Variants in GABRA2 observed in about 807,000 individuals in gnomAD.
GABRA2 encodes the protein gamma-aminobutyric acid type A receptor subunit alpha2, also known as gamma-aminobutyric acid receptor subunit alpha-2.
Under a neutral mutation model 48.7 loss-of-function variants are expected in GABRA2, and 16 were observed. The observed-to-expected ratio is 0.33, with a 90% confidence interval of 0.22 to 0.50. GABRA2 has a LOEUF of 0.50. Ranked by LOEUF, GABRA2 falls within the 20% of genes least tolerant of loss-of-function variation. GABRA2 has a pLI of 0.98. For missense variants in GABRA2, 275 were observed against 535.6 expected, an observed-to-expected ratio of 0.51 and a Z score of 4.80; for synonymous variants, 185 against 184.5, an observed-to-expected ratio of 1.00 and a Z score of -0.02.
chr4:46,385,694 T>A (rs376570214), intron 3 of GABRA2, among the ~76,000 whole-genome samples: 8 of 152,202 alleles, frequency 5.3e-5, no homozygotes, highest in African/African-American at 1.9e-4. Context: ...TTTCTGTGTA[T>A]CTGAGCTGAC....
At chr4:46,291,309 T>G (rs1723580339) in intron 8 of GABRA2, among the ~76,000 whole-genome samples, 1 of 152,190 alleles carries the variant, frequency 6.6e-6, no homozygotes, top group African/African-American at 2.4e-5. Context: ...TCAGGATTGT[T>G]AATTTGTGTT....
chr4:46,360,505 TC>T (rs1350058537), intron 3 of GABRA2, among the ~76,000 whole-genome samples: 1 of 152,216 alleles, frequency 6.6e-6, no homozygotes, highest in African/African-American at 2.4e-5. Flanking sequence ...TGTGAGGCTT[TC>T]CCAGCCATGG....
In GABRA2 at chr4:46,340,005, A is replaced by G. The variant is rs563769853; in HGVS notation, c.188-7323T>C. On this transcript the variant is annotated intron_variant, in intron 3 of 9. Coordinates refer to ENST00000381620, the MANE Select transcript of GABRA2 (RefSeq NM_000807.4). ...TGGCATTTACAGCCTTCCCTATTGT[A>G]TTTTATTTATTCTAACTCTTAGGTC... Among the ~76,000 whole-genome samples, 210 of 151,766 alleles carry G rather than the reference A, an allele frequency of 1.4e-3. 2 individuals are homozygous for G. Among genetic ancestry groups the G allele is most frequent in the African/African-American group, 4.9e-3 (205 of 41,476 alleles).
At chr4:46,362,468 C>G (rs1713365546) in intron 3 of GABRA2, among the ~76,000 whole-genome samples, 1 of 152,106 alleles carries the variant, frequency 6.6e-6, no homozygotes, top group Admixed American at 6.5e-5. Context: ...ATGTCTTTAT[C>G]AGCAGCGTGA....
Position 46,249,145 on chromosome 4 carries a change from C to A in GABRA2, c.*1163G>T, listed in dbSNP as rs1041213092. ...AAAAATGTTCAACCCTTACCAAAAC[C>A]TCTTCTGGTATACAAAGCTGTTGTA... On this transcript the variant is annotated 3_prime_UTR_variant, in exon 10 of 10. Transcript: ENST00000381620. The A allele has an allele frequency of 1.3e-5, 2 of 150,864 alleles. No individual in the cohort carries two copies. The highest frequency in any genetic ancestry group is 2.1e-4 in the South Asian group (1 of 4,756). The allele number at this position is 150,864 out of a possible 1,614,324, so 9.3% of individuals were successfully genotyped here.
intron 3 of GABRA2, among the ~76,000 whole-genome samples, chr4:46,359,905 A>G (rs1184452889): frequency 4.0e-5 from 6 of 148,912 alleles, no homozygotes; most frequent in Non-Finnish European, 7.4e-5. Context: ...TAACAGAGTG[A>G]GACTCCATCT....
At chr4:46,389,575 A>C (rs777591602) in intron 1 of GABRA2, 160 bp downstream of exon 1, 3 of 451,466 alleles carry the variant, frequency 6.6e-6, no homozygotes, top group Non-Finnish European at 8.8e-6. Context: ...AAGTATCGAA[A>C]TTATTTTTTA....
At chr4:46,361,606 G>A (rs1353307400) in intron 3 of GABRA2, among the ~76,000 whole-genome samples, 1 of 152,200 alleles carries the variant, frequency 6.6e-6, no homozygotes, top group Non-Finnish European at 1.5e-5. Flanking sequence ...GTCGCTACTG[G>A]GGCACCACCT....
chr4:46,273,325 A>G (rs1294403838), intron 8 of GABRA2, among the ~76,000 whole-genome samples: 2 of 149,794 alleles, frequency 1.3e-5, no homozygotes, highest in Non-Finnish European at 3.0e-5. Context: ...CTTGGCCATT[A>G]TTACCTCAAA....
chr4:46,322,041 CCAATAGAACCAGTT>C (rs1729541048), intron 4 of GABRA2, among the ~76,000 whole-genome samples: 1 of 152,080 alleles, frequency 6.6e-6, no homozygotes, highest in Admixed American at 6.6e-5. Flanking sequence ...CAGAGAACTA[CCAATAGAACCAGTT>C]CAGTAAAAAT....
intron 4 of GABRA2, among the ~76,000 whole-genome samples, chr4:46,322,499 T>A (rs1180968003): frequency 6.6e-6 from 1 of 151,878 alleles, no homozygotes; most frequent in East Asian, 1.9e-4. Context: ...GCCACAATAA[T>A]GACATAAGTA....
At chr4:46,295,560 G>T (rs1369964402) in intron 8 of GABRA2, among the ~76,000 whole-genome samples, 1 of 152,142 alleles carries the variant, frequency 6.6e-6, no homozygotes, top group African/African-American at 2.4e-5. Context: ...TTGCCCAATG[G>T]GTCCATGGAC....
chr4:46,293,000 C>A (rs768268833), intron 8 of GABRA2, among the ~76,000 whole-genome samples: 3 of 152,114 alleles, frequency 2.0e-5, no homozygotes, highest in Non-Finnish European at 4.4e-5. Flanking sequence ...TGGCACTCAA[C>A]CCTCAAAGGC....
intron 4 of GABRA2, among the ~76,000 whole-genome samples, chr4:46,325,929 T>C (rs1730291582): frequency 6.6e-6 from 1 of 151,994 alleles, no homozygotes; most frequent in African/African-American, 2.4e-5. Context: ...GTTCCATTAA[T>C]CTATATGTTT....
At chr4:46,250,670 C>A in intron 9 of GABRA2, 66 bp from the exon 10 acceptor site, 1 of 1,229,016 alleles carries the variant, frequency 8.1e-7, no homozygotes. Flanking sequence ...TTCTAAAGTC[C>A]ACTTCAAATT....
intron 9 of GABRA2, among the ~76,000 whole-genome samples, chr4:46,254,788 A>G (rs534459): frequency 0.5 from 75,144 of 151,278 alleles, 19,913 homozygotes; most frequent in South Asian, 0.76. Context: ...CTCTACCTAC[A>G]CATCCCACAG....
intron 9 of GABRA2, chr4:46,256,082 T>C (rs1028697822): frequency 6.8e-6 from 3 of 438,916 alleles, no homozygotes; most frequent in African/African-American, 6.1e-5. Flanking sequence ...TTTTTACAGT[T>C]ATTGTGGCTA....
intron 4 of GABRA2, among the ~76,000 whole-genome samples, chr4:46,325,254 A>G (rs71611974): frequency 6.6e-6 from 1 of 151,662 alleles, no homozygotes; most frequent in South Asian, 2.1e-4. Context: ...CAACATGTTA[A>G]TTTTTTACTT....
At chr4:46,367,071 A>G (rs1358971165) in intron 3 of GABRA2, 1 of 152,096 alleles carries the variant, frequency 6.6e-6, no homozygotes, top group African/African-American at 2.4e-5. Context: ...CCATTTCACT[A>G]TATTAAATCC....
Sources: gnomAD v4.1 joint callset for allele counts (sites outside exome capture counted in the v4.1 genomes callset) on GRCh38, gnomAD v4.1.1 for gene constraint, MANE v1.5 for transcripts, NCBI Gene and HGNC (gene_info 2026-07-23, HGNC 2026-07-21) for gene names.